C12orf56: variants seen among roughly 807,000 people sequenced by gnomAD.
C12orf56 encodes uncharacterized protein C12orf56.
In C12orf56, 71 loss-of-function variants were observed where a neutral mutation model predicts 69.9. The ratio of observed to expected loss-of-function variants is 1.02; its 90% CI spans 0.84 to 1.24. The LOEUF (loss-of-function observed/expected upper bound fraction) is 1.24. Ranked by LOEUF, C12orf56 falls within the 50% of genes most tolerant of loss-of-function variation. The pLI is 0.00. For missense variants in C12orf56, 732 were observed against 738.5 expected (o/e 0.99, Z 0.10); for synonymous variants, 276 against 274.1 (o/e 1.01, Z -0.07).
chr12:64,354,882 C>T (rs1213293983), intron 1 of C12orf56, among the ~76,000 whole-genome samples: 1 of 150,592 alleles, frequency 6.6e-6, no homozygotes, highest in Admixed American at 6.6e-5. Context: ...AGTTCGAGAC[C>T]AGCCTGACCA....
intron 1 of C12orf56, among the ~76,000 whole-genome samples, chr12:64,354,786 A>G (rs1201839700): frequency 4.2e-5 from 6 of 143,154 alleles, no homozygotes; most frequent in Admixed American, 6.9e-5. Flanking sequence ...CTTTTAAAAA[A>G]GAGATGGGGT....
chr12:64,320,391 A>C (rs1252771079), intron 3 of C12orf56, among the ~76,000 whole-genome samples: 1 of 152,118 alleles, frequency 6.6e-6, no homozygotes, highest in Non-Finnish European at 1.5e-5. Context: ...TCCTGGGCTC[A>C]AATGATCTGC....
At chr12:64,365,243 C>A (rs1721135445) in intron 1 of C12orf56, among the ~76,000 whole-genome samples, 1 of 148,498 alleles carries the variant, frequency 6.7e-6, no homozygotes, top group South Asian at 2.1e-4. Context: ...CGGCTCACTG[C>A]AACCTCCGCC....
At chr12:64,322,559 T>A (rs1446264634) in intron 3 of C12orf56, among the ~76,000 whole-genome samples, 1 of 152,154 alleles carries the variant, frequency 6.6e-6, no homozygotes, top group Non-Finnish European at 1.5e-5. Flanking sequence ...GGCTCATGCC[T>A]GTAATCCCAG....
At chr12:64,364,271 G>A (rs2039436576) in intron 1 of C12orf56, among the ~76,000 whole-genome samples, 1 of 151,862 alleles carries the variant, frequency 6.6e-6, no homozygotes, top group Admixed American at 6.6e-5. Context: ...CAATGAGAGT[G>A]AGACCCTGCC....
chr12:64,325,164 AG>A (rs962030141), intron 3 of C12orf56, among the ~76,000 whole-genome samples: 1 of 152,156 alleles, frequency 6.6e-6, no homozygotes, highest in Non-Finnish European at 1.5e-5. Flanking sequence ...ACACCCCAGA[AG>A]ATCTAGGCTA....
chr12:64,331,767 G>A (rs2038932966), intron 2 of C12orf56, among the ~76,000 whole-genome samples: 1 of 152,088 alleles, frequency 6.6e-6, no homozygotes, highest in Non-Finnish European at 1.5e-5. Context: ...TGGACTTCCA[G>A]CCTCCAGAAC....
intron 11 of C12orf56, among the ~76,000 whole-genome samples, chr12:64,273,188 G>C (rs2038011933): frequency 6.6e-6 from 1 of 152,040 alleles, no homozygotes; most frequent in African/African-American, 2.4e-5. Flanking sequence ...CCAGCTACTT[G>C]GGAGGCTGAG....
chr12:64,390,271 C>T, intron 1 of C12orf56, 43 bp downstream of exon 1: 1 of 1,553,782 alleles, frequency 6.4e-7, no homozygotes, highest in Non-Finnish European at 8.7e-7. Flanking sequence ...GCCGGGAGTT[C>T]TCACTGCGCT....
chr12:64,338,854 G>A (rs535444698), intron 2 of C12orf56: 3 of 744,710 alleles, frequency 4.0e-6, no homozygotes, highest in South Asian at 3.1e-5. Context: ...AGGGTGAGGT[G>A]GGAGGAATGG....
chr12:64,266,113 A>G lies in C12orf56; in HGVS notation c.*1070T>C, dbSNP rs570847080. 3.9e-5 allele frequency: 6 copies of G among 152,358 alleles called. No homozygotes were observed. The South Asian group carries it at 1.2e-3, about 32-fold the overall frequency. 9.4% of individuals were successfully genotyped at this position (152,358 alleles called of 1,614,324 possible). On this transcript the variant is annotated 3_prime_UTR_variant, in exon 13 of 13. Transcript: ENST00000543942. ...GAATACTTTTGTCACTAGAATTTGT[A>G]TAGGTGGAGGAGGAGGGTGTCATCC... is the stretch of plus-strand genomic sequence containing the variant.
chr12:64,347,024 G>A (rs2039152768), intron 2 of C12orf56, among the ~76,000 whole-genome samples: 1 of 151,124 alleles, frequency 6.6e-6, no homozygotes, highest in Non-Finnish European at 1.5e-5. Flanking sequence ...TGCCCAGGCT[G>A]GAGTGCAGTG....
chr12:64,340,854 G>C (rs1185265766), intron 2 of C12orf56, among the ~76,000 whole-genome samples: 5 of 152,128 alleles, frequency 3.3e-5, no homozygotes, highest in Admixed American at 3.3e-4. Context: ...TTTCCTGGTG[G>C]AGTGACCCAA....
intron 3 of C12orf56, among the ~76,000 whole-genome samples, chr12:64,330,195 G>C (rs932747042): frequency 6.6e-6 from 1 of 152,054 alleles, no homozygotes; most frequent in Admixed American, 6.6e-5. Context: ...CTGTTGTAAT[G>C]GTTTCTATAT....
chr12:64,387,548 TG>T (rs1271645989), intron 1 of C12orf56, among the ~76,000 whole-genome samples: 1 of 152,122 alleles, frequency 6.6e-6, no homozygotes, highest in East Asian at 1.9e-4. Context: ...CCAGGCACAG[TG>T]GCTCATGCTT....
intron 1 of C12orf56, among the ~76,000 whole-genome samples, chr12:64,388,541 T>A (rs1210096846): frequency 6.6e-6 from 1 of 152,132 alleles, no homozygotes; most frequent in Non-Finnish European, 1.5e-5. Context: ...CCTTACCCAG[T>A]CTAAAGTTTT....
At chr12:64,294,905 T>G (rs7973234) in intron 6 of C12orf56, among the ~76,000 whole-genome samples, 1 of 150,008 alleles carries the variant, frequency 6.7e-6, no homozygotes, top group Admixed American at 6.6e-5. Context: ...GAAAAAAAAA[T>G]TTTTTTTTTT....
intron 9 of C12orf56, among the ~76,000 whole-genome samples, chr12:64,275,726 C>T (rs374435339): frequency 6.6e-6 from 1 of 152,164 alleles, no homozygotes; most frequent in East Asian, 1.9e-4. Flanking sequence ...CCTCAGTCTC[C>T]CCAGTAGCTA....
At chr12:64,270,738 A>G in intron 11 of C12orf56, 24 bp from the exon 12 acceptor site, 2 of 1,565,944 alleles carry the variant, frequency 1.3e-6, no homozygotes, top group Non-Finnish European at 1.7e-6. Context: ...ATACAGTTAC[A>G]TGTAGGCTGT....
Sources: gnomAD v4.1 joint callset for allele counts (sites outside exome capture counted in the v4.1 genomes callset) on GRCh38, gnomAD v4.1.1 for gene constraint, MANE v1.5 for transcripts, NCBI Gene and HGNC (gene_info 2026-07-23, HGNC 2026-07-21) for gene names.